The following EPDR1 variants were observed in gnomAD, a reference collection of about 807,000 sequenced individuals.
The protein encoded by EPDR1 is ependymin related 1, also known as mammalian ependymin-related protein 1.
Under a neutral mutation model 23.7 loss-of-function variants are expected in EPDR1, and 27 were observed. The observed-to-expected ratio is 1.14, with a 90% CI of 0.84 to 1.57. The LOEUF (loss-of-function observed/expected upper bound fraction) is 1.57, where lower values mean the gene tolerates loss of function less well. EPDR1 is among the 40% of genes most tolerant of loss of function. The pLI is 0.00. For missense variants in EPDR1, 349 were observed against 290.4 expected (o/e 1.20, Z -1.47); for synonymous variants, 137 against 118.2 (o/e 1.16, Z -1.03).
At chr7:37,930,393 G>T (rs904205102) in intron 1 of EPDR1, among the ~76,000 whole-genome samples, 5 of 152,238 alleles carry the variant, frequency 3.3e-5, no homozygotes, top group Admixed American at 6.5e-5. Context: ...CTTATGAGGA[G>T]TATCTGAGTA....
chr7:37,927,247 C>G (rs554786426), intron 1 of EPDR1, among the ~76,000 whole-genome samples: 1 of 152,310 alleles, frequency 6.6e-6, no homozygotes, highest in African/African-American at 2.4e-5. Context: ...ACACACATCC[C>G]TCCCCACACA....
intron 1 of EPDR1, among the ~76,000 whole-genome samples, chr7:37,936,260 A>G (rs1786050114): frequency 6.6e-6 from 1 of 151,946 alleles, no homozygotes; most frequent in African/African-American, 2.4e-5. Context: ...TTATAGCCTT[A>G]GTCTGGCAGA....
At chr7:37,933,841 A>C (rs1237212307) in intron 1 of EPDR1, among the ~76,000 whole-genome samples, 3 of 152,240 alleles carry the variant, frequency 2.0e-5, no homozygotes, top group Non-Finnish European at 4.4e-5. Flanking sequence ...AAGTGTCAGA[A>C]AATCTGACTA....
intron 1 of EPDR1, among the ~76,000 whole-genome samples, chr7:37,943,190 G>A (rs1188512090): frequency 3.3e-5 from 5 of 152,350 alleles, no homozygotes; most frequent in African/African-American, 9.6e-5. Flanking sequence ...GGGCTGGTCT[G>A]CCTCCCTGTC....
chr7:37,946,171 T>G (rs932944744), intron 1 of EPDR1, among the ~76,000 whole-genome samples: 1 of 152,208 alleles, frequency 6.6e-6, no homozygotes, highest in Non-Finnish European at 1.5e-5. Flanking sequence ...TTTGCTATTG[T>G]GAATAGTGCT....
At chr7:37,945,043 C>T (rs187889670) in intron 1 of EPDR1, among the ~76,000 whole-genome samples, 116 of 152,210 alleles carry the variant, frequency 7.6e-4, no homozygotes, top group South Asian at 2.7e-3. Flanking sequence ...GGGTGGCCCA[C>T]GGGTCATTAA....
intron 1 of EPDR1, among the ~76,000 whole-genome samples, chr7:37,942,874 A>G (rs1036462307): frequency 2.0e-5 from 3 of 152,202 alleles, no homozygotes; most frequent in Non-Finnish European, 2.9e-5. Flanking sequence ...TTTTAGGGAA[A>G]TGGATTTGCA....
chr7:37,931,939 A>C (rs1254411898), intron 1 of EPDR1, among the ~76,000 whole-genome samples: 2 of 152,040 alleles, frequency 1.3e-5, no homozygotes, highest in Non-Finnish European at 2.9e-5. Context: ...CGATCTCCTG[A>C]CCTCGTGATC....
chr7:37,945,516 G>A (rs1786256583), intron 1 of EPDR1, among the ~76,000 whole-genome samples: 1 of 152,140 alleles, frequency 6.6e-6, no homozygotes, highest in Non-Finnish European at 1.5e-5. Flanking sequence ...GCTTCATAAT[G>A]ACGTTTCAGT....
At chr7:37,929,234 G>A (rs1018107679) in intron 1 of EPDR1, among the ~76,000 whole-genome samples, 5 of 152,128 alleles carry the variant, frequency 3.3e-5, no homozygotes, top group Non-Finnish European at 5.9e-5. Context: ...TGACTATCTG[G>A]CAGAGTGTTT....
chr7:37,945,698 A>G (rs1422077533), intron 1 of EPDR1, among the ~76,000 whole-genome samples: 1 of 152,160 alleles, frequency 6.6e-6, no homozygotes, highest in East Asian at 1.9e-4. Flanking sequence ...GCATATAAGT[A>G]ATTACTGTAT....
intron 1 of EPDR1, among the ~76,000 whole-genome samples, chr7:37,940,900 T>C (rs968706151): frequency 1.3e-5 from 2 of 152,164 alleles, no homozygotes; most frequent in Non-Finnish European, 2.9e-5. Context: ...AGTTTCTAAG[T>C]TGTTTCCCCA....
At chr7:37,937,463 C>T (rs963738867) in intron 1 of EPDR1, among the ~76,000 whole-genome samples, 1 of 151,658 alleles carries the variant, frequency 6.6e-6, no homozygotes, top group Non-Finnish European at 1.5e-5. Context: ...ATATCAAGTA[C>T]AAAACGCTAA....
chr7:37,934,384 C>A (rs1374164942), intron 1 of EPDR1, among the ~76,000 whole-genome samples: 1 of 152,108 alleles, frequency 6.6e-6, no homozygotes, highest in Non-Finnish European at 1.5e-5. Flanking sequence ...TATCCTCTCC[C>A]AACTACAGTC....
chr7:37,922,726 C>T (rs917431412), intron 1 of EPDR1, among the ~76,000 whole-genome samples: 3 of 151,870 alleles, frequency 2.0e-5, no homozygotes, highest in African/African-American at 7.3e-5. Flanking sequence ...ATTTAACAAG[C>T]ATTTGTTCAT....
intron 1 of EPDR1, among the ~76,000 whole-genome samples, chr7:37,934,268 G>A (rs947394311): frequency 5.3e-5 from 8 of 152,094 alleles, no homozygotes; most frequent in African/African-American, 1.7e-4. Context: ...GAGCCACCAC[G>A]CCCGACCTAC....
chr7:37,938,575 T>C (rs1488527684), intron 1 of EPDR1, among the ~76,000 whole-genome samples: 1 of 152,208 alleles, frequency 6.6e-6, no homozygotes, highest in Non-Finnish European at 1.5e-5. Context: ...GCCTTGAGCA[T>C]CCAGAGAAAC....
chr7:37,926,981 C>T (rs1190843836), intron 1 of EPDR1, among the ~76,000 whole-genome samples: 1 of 152,158 alleles, frequency 6.6e-6, no homozygotes, highest in Non-Finnish European at 1.5e-5. Flanking sequence ...GTGGAAGCCT[C>T]TTCAAATTGG....
At chr7:37,933,541 C>T (rs1785986128) in intron 1 of EPDR1, among the ~76,000 whole-genome samples, 1 of 152,216 alleles carries the variant, frequency 6.6e-6, no homozygotes, top group Admixed American at 6.5e-5. Context: ...CATGTTCAAC[C>T]AGCTGAATTT....
Sources: gnomAD v4.1 joint callset for allele counts (sites outside exome capture counted in the v4.1 genomes callset) on GRCh38, gnomAD v4.1.1 for gene constraint, MANE v1.5 for transcripts, NCBI Gene and HGNC (gene_info 2026-07-23, HGNC 2026-07-21) for gene names.